Variants in GRIK1 observed in about 807,000 individuals in gnomAD.
GRIK1 encodes glutamate receptor ionotropic, kainate 1.
GRIK1 carries 69 observed loss-of-function variants against 105.7 expected under a neutral mutation model. The observed-to-expected ratio is 0.65, with a 90% CI of 0.54 to 0.80. The LOEUF is 0.80. Ranked by LOEUF, GRIK1 falls within the 30% of genes least tolerant of loss-of-function variation. GRIK1 has a pLI of 0.00. For missense variants in GRIK1, 1,109 were observed against 1,167.3 expected (o/e 0.95, Z 0.73); for synonymous variants, 438 against 431.3 (o/e 1.02, Z -0.19).
chr21:29,850,401 G>A (rs775138683), intron 1 of GRIK1, among the ~76,000 whole-genome samples: 1 of 151,986 alleles, frequency 6.6e-6, no homozygotes, highest in Non-Finnish European at 1.5e-5. Context: ...CCATTTCTAA[G>A]GTGTTCAAGA....
intron 1 of GRIK1, among the ~76,000 whole-genome samples, chr21:29,726,120 C>T (rs1001886051): frequency 2.6e-5 from 4 of 152,124 alleles, no homozygotes; most frequent in African/African-American, 7.2e-5. Context: ...GAGGAAATGC[C>T]TGTTTTGATC....
At chr21:29,806,832 T>C (rs1177529020) in intron 1 of GRIK1, among the ~76,000 whole-genome samples, 1 of 152,228 alleles carries the variant, frequency 6.6e-6, no homozygotes, top group Non-Finnish European at 1.5e-5. Context: ...TTCATAATTA[T>C]GTCTATCCAT....
chr21:29,910,664 C>T (rs962774534), intron 1 of GRIK1, among the ~76,000 whole-genome samples: 1 of 152,066 alleles, frequency 6.6e-6, no homozygotes, highest in Non-Finnish European at 1.5e-5. Context: ...TTTCTTGTGG[C>T]TATGATGTGT....
chr21:29,565,615 G>A (rs986627327), intron 14 of GRIK1, among the ~76,000 whole-genome samples: 1 of 152,106 alleles, frequency 6.6e-6, no homozygotes, highest in South Asian at 2.1e-4. Context: ...TGTATTTTTA[G>A]TAAAGACAGG....
chr21:29,855,104 A>G (rs770700851), intron 1 of GRIK1, among the ~76,000 whole-genome samples: 8 of 152,216 alleles, frequency 5.3e-5, no homozygotes, highest in Non-Finnish European at 1.2e-4. Context: ...ATCTGACATC[A>G]TAGACAGTCA....
chr21:29,852,620 G>A (rs1223381165), intron 1 of GRIK1, among the ~76,000 whole-genome samples: 1 of 152,186 alleles, frequency 6.6e-6, no homozygotes, highest in Non-Finnish European at 1.5e-5. Context: ...TGAAGCAAAT[G>A]AAGGAACAGC....
intron 1 of GRIK1, among the ~76,000 whole-genome samples, chr21:29,735,768 G>A (rs1191421655): frequency 6.7e-6 from 1 of 149,854 alleles, no homozygotes; most frequent in South Asian, 2.1e-4. Context: ...ATGGTAGCAT[G>A]CACCTGTAGT....
At chr21:29,825,750 A>G (rs1206983947) in intron 1 of GRIK1, among the ~76,000 whole-genome samples, 2 of 152,122 alleles carry the variant, frequency 1.3e-5, no homozygotes, top group Non-Finnish European at 2.9e-5. Flanking sequence ...AACTTTGAGA[A>G]ATATGTTTTC....
At chr21:29,540,742 A>G (rs1219379063) in intron 16 of GRIK1, among the ~76,000 whole-genome samples, 1 of 152,178 alleles carries the variant, frequency 6.6e-6, no homozygotes, top group African/African-American at 2.4e-5. Flanking sequence ...ACATTATTTT[A>G]AAGTATGTTG....
chr21:29,839,261 G>T (rs2067904780), intron 1 of GRIK1, among the ~76,000 whole-genome samples: 2 of 152,014 alleles, frequency 1.3e-5, no homozygotes. Flanking sequence ...TGTTGGCCAG[G>T]CTTGTCTCAA....
chr21:29,768,569 T>A (rs908160012), intron 1 of GRIK1, among the ~76,000 whole-genome samples: 8 of 152,234 alleles, frequency 5.3e-5, no homozygotes, highest in African/African-American at 1.7e-4. Flanking sequence ...GTATCCGTTT[T>A]CACTCCCATC....
At chr21:29,551,645 G>A (rs2090137882) in intron 16 of GRIK1, among the ~76,000 whole-genome samples, 1 of 152,114 alleles carries the variant, frequency 6.6e-6, no homozygotes. Flanking sequence ...ATTAACTTTT[G>A]AAAGAGATCA....
intron 4 of GRIK1, among the ~76,000 whole-genome samples, chr21:29,659,870 G>A (rs1305614500): frequency 1.3e-5 from 2 of 152,130 alleles, no homozygotes; most frequent in Non-Finnish European, 2.9e-5. Context: ...GCTGAGGCAG[G>A]AGAATCACTT....
In GRIK1 at chr21:29,537,405, G is replaced by A. The variant is rs745800222; in HGVS notation, c.2695-20C>T. 8.8e-6 allele frequency: 14 copies of A among 1,594,968 alleles called. No homozygotes were observed. The South Asian group carries it at 1.4e-4, about 15-fold the overall frequency. On this transcript the variant is annotated intron_variant, in intron 17 of 17. Coordinates refer to ENST00000327783, the MANE Select transcript of GRIK1 (RefSeq NM_001330994.2). ...GAGACACTAGGGAACATGAGATACA[G>A]ACCATCAGCTTAATTAAGCCTATCG...
intron 7 of GRIK1, among the ~76,000 whole-genome samples, chr21:29,620,800 TATATAG>T (rs2061976212): frequency 3.7e-5 from 4 of 107,512 alleles, no homozygotes; most frequent in African/African-American, 2.2e-4. Context: ...TATCTATATA[TATATAG>T]ATATATATAT....
At chr21:29,600,168 C>A (rs2061493097) in intron 7 of GRIK1, among the ~76,000 whole-genome samples, 1 of 152,196 alleles carries the variant, frequency 6.6e-6, no homozygotes, top group Admixed American at 6.5e-5. Flanking sequence ...AAATAGAACT[C>A]ACCTGGATAA....
At chr21:29,855,617 G>A (rs1486317161) in intron 1 of GRIK1, among the ~76,000 whole-genome samples, 1 of 152,180 alleles carries the variant, frequency 6.6e-6, no homozygotes, top group Non-Finnish European at 1.5e-5. Flanking sequence ...GCCAAAGGAG[G>A]GTTTTAAGCA....
intron 1 of GRIK1, among the ~76,000 whole-genome samples, chr21:29,781,440 A>G (rs2066096707): frequency 6.6e-6 from 1 of 151,944 alleles, no homozygotes; most frequent in African/African-American, 2.4e-5. Flanking sequence ...ATAAATACGT[A>G]CCTATGTGTA....
intron 1 of GRIK1, among the ~76,000 whole-genome samples, chr21:29,893,676 T>A (rs186665787): frequency 1.2e-4 from 18 of 152,344 alleles, no homozygotes; most frequent in Admixed American, 1.0e-3. Context: ...GCTTGCGTGT[T>A]GGGCACTGAA....
Sources: gnomAD v4.1 joint callset for allele counts (sites outside exome capture counted in the v4.1 genomes callset) on GRCh38, gnomAD v4.1.1 for gene constraint, MANE v1.5 for transcripts, NCBI Gene and HGNC (gene_info 2026-07-23, HGNC 2026-07-21) for gene names.